Variants in SYMPK observed in about 807,000 individuals in gnomAD.
SYMPK encodes symplekin.
Under a neutral mutation model 136.4 loss-of-function variants are expected in SYMPK, and 49 were observed. That is an observed-to-expected ratio of 0.36 (90% CI 0.29 to 0.46). The LOEUF (loss-of-function observed/expected upper bound fraction) is 0.46, where lower values mean the gene tolerates loss of function less well. SYMPK is among the 20% of genes least tolerant of loss of function. The probability of loss-of-function intolerance (pLI) is 1.00; values close to 1 mark genes in which losing one functional copy is unlikely to be tolerated. For missense variants in SYMPK, 1,365 were observed against 1,690.0 expected (o/e 0.81, Z 3.37); for synonymous variants, 766 against 713.0 (o/e 1.07, Z -1.19).
At chr19:45,842,685 T>C in intron 8 of SYMPK, 196 bp from the exon 9 acceptor site, 1 of 657,926 alleles carries the variant, frequency 1.5e-6, no homozygotes, top group East Asian at 2.8e-5. Flanking sequence ...TCAGTATCAG[T>C]CAATCTTAAA....
At chr19:45,860,951 A>T (rs1971952681) in intron 1 of SYMPK, among the ~76,000 whole-genome samples, 1 of 152,282 alleles carries the variant, frequency 6.6e-6, no homozygotes, top group Non-Finnish European at 1.5e-5. Context: ...AGGCAGAGTC[A>T]GCAGCATGGC....
At chr19:45,849,699 C>A (rs1971650615) in intron 5 of SYMPK, among the ~76,000 whole-genome samples, 1 of 152,168 alleles carries the variant, frequency 6.6e-6, no homozygotes, top group Non-Finnish European at 1.5e-5. Flanking sequence ...CAAATTCTCC[C>A]AGTAAATGGG....
chr19:45,861,349 C>A (rs533354246), intron 1 of SYMPK, among the ~76,000 whole-genome samples: 5 of 151,778 alleles, frequency 3.3e-5, no homozygotes, highest in African/African-American at 1.2e-4. Context: ...CACACATACA[C>A]AAAATTCTCC....
chr19:45,823,865 A>C lies in SYMPK; in HGVS notation c.2501T>G (p.Met834Arg). 1 of 1,613,942 alleles carries C rather than the reference A, an allele frequency of 6.2e-7. No homozygotes were observed. Among genetic ancestry groups the C allele is most frequent in the East Asian group, 2.2e-5 (1 of 44,864 alleles). Reference protein sequence around the residue: ...LRVIEQPIRGMGMNSPELLLL... With the variant: ...LRVIEQPIRGRGMNSPELLLL... ...GAGCAGCTCCGGGGAGTTCATGCCC[A>C]TTCCTCGGATCTAGAGGCAGAGACA... Residue 834 changes from methionine to arginine, a missense_variant, in exon 19 of 27, where the codon ATG becomes AGG. Physicochemically the swap from Met to Arg is moderately conservative, Grantham distance 91. Around this residue, in one of 11 missense-constraint regions of SYMPK, gnomAD observed 92 missense variants for 198.6 expected, o/e 0.46. Coordinates refer to ENST00000245934, the MANE Select transcript of SYMPK (RefSeq NM_004819.3).
chr19:45,852,675 C>T (rs947449135), intron 3 of SYMPK, 140 bp from the exon 4 acceptor site: 1 of 1,041,556 alleles, frequency 9.6e-7, no homozygotes, highest in South Asian at 1.4e-5. Context: ...TCTGCTTCTC[C>T]CTACCAAGGG....
intron 17 of SYMPK, among the ~76,000 whole-genome samples, chr19:45,825,916 C>A (rs994069421): frequency 5.9e-5 from 9 of 152,220 alleles, no homozygotes; most frequent in Non-Finnish European, 1.0e-4. Flanking sequence ...TCCATTTACT[C>A]GGGGTCTGAG....
chr19:45,838,436 G>T (rs1427066230), intron 10 of SYMPK, 25 bp downstream of exon 10: 1 of 1,599,798 alleles, frequency 6.3e-7, no homozygotes, highest in Non-Finnish European at 8.6e-7. Context: ...TGCCCAGGGG[G>T]AAAACGCTCC....
chr19:45,832,164 C>T lies in SYMPK; in HGVS notation c.1394-576G>A, dbSNP rs147747462. ...AGCCCTCAGCTGTTTTTTTTGGAGA[C>T]GGAGTCTCACTCCATCACCAAGGCT... On this transcript the variant is annotated intron_variant, in intron 11 of 26. Transcript: ENST00000245934. 7.1e-3 allele frequency among the ~76,000 whole-genome samples: 1,067 copies of T among 151,048 alleles called. 14 individuals are homozygous for T. Among genetic ancestry groups the T allele is most frequent in the African/African-American group, 0.024 (1,006 of 41,116 alleles).
At chr19:45,837,814 G>A (rs1935820949) in intron 10 of SYMPK, among the ~76,000 whole-genome samples, 1 of 152,092 alleles carries the variant, frequency 6.6e-6, no homozygotes, top group African/African-American at 2.4e-5. Context: ...ATTAGGGAGA[G>A]AAGGAAAAGA....
chr19:45,830,550 T>C (rs1224495368), intron 12 of SYMPK: 1 of 226,184 alleles, frequency 4.4e-6, no homozygotes, highest in East Asian at 9.5e-5. Flanking sequence ...GGGGTGAGGG[T>C]AGCAGAAGAG....
chr19:45,852,954 C>A (rs759125449), intron 3 of SYMPK, among the ~76,000 whole-genome samples: 35 of 152,228 alleles, frequency 2.3e-4, no homozygotes, highest in Non-Finnish European at 3.8e-4. Flanking sequence ...CTTCACATTG[C>A]CATGATTCAG....
chr19:45,840,097 G>T (rs955060854), intron 9 of SYMPK, among the ~76,000 whole-genome samples: 1 of 151,988 alleles, frequency 6.6e-6, no homozygotes, highest in Non-Finnish European at 1.5e-5. Context: ...TGGATTACCT[G>T]AGGTCAGGAG....
rs1568629990 is a variant in SYMPK at position 45,860,510 on chromosome 19, A to AG, written c.-13+2547_-13+2548insC. Among the ~76,000 whole-genome samples, 373 of 151,678 alleles carry AG rather than the reference A, an allele frequency of 2.5e-3. 1 individual carries two copies. Among genetic ancestry groups the AG allele is most frequent in the African/African-American group, 8.3e-3 (345 of 41,360 alleles). ...CCACACACACAGAGAGAGAAAGAGA[A>AG]AGAGAGAGAGAGAACACTTAATATG... On this transcript the variant is annotated intron_variant, in intron 1 of 26. Coordinates refer to ENST00000245934, the MANE Select transcript of SYMPK (RefSeq NM_004819.3).
chr19:45,832,855 C>CA (rs10561490), intron 11 of SYMPK, among the ~76,000 whole-genome samples: 1,718 of 118,614 alleles, frequency 0.014, 29 homozygotes, highest in African/African-American at 0.047. Flanking sequence ...ACTAAAAATA[C>CA]AAAAAAAAAA....
At chr19:45,852,214 A>C in intron 5 of SYMPK, 98 bp downstream of exon 5, 1 of 1,232,252 alleles carries the variant, frequency 8.1e-7, no homozygotes, top group South Asian at 1.2e-5. Flanking sequence ...TCTGGGAAGC[A>C]GAGGGCAGGC....
At position 45,821,574 on chromosome 19, in the gene SYMPK, C is replaced by T. The variant is rs533627701; in HGVS notation, c.2792-89G>A. ...TGAGTTCCCCAGATCGGGGGAGCTG[C>T]GAGCAAAGATGAGGTGCCCTCTGCT... On this transcript the variant is annotated intron_variant, in intron 21 of 26. Transcript: ENST00000245934. This position sits in a 1 kb window ranked among gnomAD's most constrained non-coding sequence, Gnocchi z 4.4. The T allele has an allele frequency of 7.9e-5, 68 of 855,552 alleles. No individual in the cohort carries two copies. Among genetic ancestry groups the T allele is most frequent in the South Asian group, 7.2e-4 (48 of 66,950 alleles). 53.0% of individuals were successfully genotyped at this position (855,552 alleles called of 1,614,324 possible).
In SYMPK at chr19:45,825,169, A is replaced by C; in HGVS notation, c.2490+2T>G. ...AGGGCCTGGTGGGCTCAGGGGCCTC[A>C]CCGGCTGCTCAATGACCCTCAGCAC... On this transcript the variant is annotated splice_donor_variant, in intron 18 of 26. Coordinates refer to ENST00000245934, the MANE Select transcript of SYMPK (RefSeq NM_004819.3). LOFTEE classifies it high-confidence loss of function. 1 of 1,612,128 alleles carries C rather than the reference A, an allele frequency of 6.2e-7. No individual in the cohort carries two copies. Among genetic ancestry groups the C allele is most frequent in the Non-Finnish European group, 8.5e-7 (1 of 1,179,186 alleles).
At chr19:45,832,054 C>A (rs1971190138) in intron 11 of SYMPK, among the ~76,000 whole-genome samples, 1 of 151,960 alleles carries the variant, frequency 6.6e-6, no homozygotes. Flanking sequence ...TGTTGCCCAG[C>A]TTAGTCTTGA....
intron 1 of SYMPK, among the ~76,000 whole-genome samples, chr19:45,858,483 CAT>C (rs1384910044): frequency 4.6e-5 from 7 of 152,180 alleles, no homozygotes; most frequent in African/African-American, 1.4e-4. Flanking sequence ...TCTCCACTCA[CAT>C]GTCTCTGCAG....
Sources: allele counts gnomAD v4.1 joint callset (sites outside exome capture counted in the v4.1 genomes callset), GRCh38; gene constraint gnomAD v4.1.1; regional missense constraint gnomAD v4.1.1; non-coding constraint Gnocchi (gnomAD v3.1); transcripts MANE v1.5; gene names NCBI Gene and HGNC (gene_info 2026-07-23, HGNC 2026-07-21).